ADCY2: variants seen among roughly 807,000 people sequenced by gnomAD.
ADCY2 encodes adenylate cyclase type 2.
ADCY2 carries 31 observed loss-of-function variants against 125.2 expected under a neutral mutation model. That is an observed-to-expected ratio of 0.25 (90% CI 0.19 to 0.33). ADCY2 has a LOEUF of 0.33. Among genes scored for constraint, ADCY2 ranks in the 10% least tolerant of loss-of-function variants. The pLI is 1.00. For missense variants in ADCY2, 904 were observed against 1,418.2 expected (o/e 0.64, Z 5.82); for synonymous variants, 512 against 548.4 (o/e 0.93, Z 0.93).
At chr5:7,687,136 C>A (rs906010588) in intron 4 of ADCY2, among the ~76,000 whole-genome samples, 3 of 152,238 alleles carry the variant, frequency 2.0e-5, no homozygotes, top group African/African-American at 7.2e-5. Flanking sequence ...AGAAAAAATT[C>A]TTGTTTTGTA....
Position 7,819,322 on chromosome 5 carries a change from G to A in ADCY2, c.2999-1243G>A, listed in dbSNP as rs148641632. On this transcript the variant is annotated intron_variant, in intron 23 of 24. Transcript: ENST00000338316. ...CATTTAGTATTAACTATCGCAATGG[G>A]AGAATGACCTCTTCTATTATCAAAC... Among the ~76,000 whole-genome samples, 22 of 152,266 alleles carry A rather than the reference G, an allele frequency of 1.4e-4. No homozygotes were observed. In the East Asian group the frequency reaches 4.2e-3, roughly 29 times the overall value.
intron 15 of ADCY2, among the ~76,000 whole-genome samples, chr5:7,748,531 C>CACACACACACAG (rs1357421206): frequency 1.0e-4 from 7 of 67,398 alleles, no homozygotes; most frequent in African/African-American, 2.2e-4. Context: ...CACACACACA[C>CACACACACACAG]ACACACACAC....
intron 4 of ADCY2, among the ~76,000 whole-genome samples, chr5:7,627,717 C>T (rs904411949): frequency 2.0e-5 from 3 of 152,144 alleles, no homozygotes; most frequent in African/African-American, 7.2e-5. Context: ...TGGCACTAGT[C>T]CTTTGTCTAT....
intron 3 of ADCY2, 27 bp from the exon 4 acceptor site, chr5:7,626,140 A>C: frequency 6.2e-7 from 1 of 1,604,376 alleles, no homozygotes; most frequent in East Asian, 2.2e-5. Context: ...CAGTTACCCT[A>C]TTGAGCAGCT....
At chr5:7,671,523 G>A (rs1203273449) in intron 4 of ADCY2, among the ~76,000 whole-genome samples, 1 of 152,152 alleles carries the variant, frequency 6.6e-6, no homozygotes, top group African/African-American at 2.4e-5. Flanking sequence ...CTCCATCAAA[G>A]AGCTGCCTTG....
chr5:7,550,926 T>C (rs1433681767), intron 3 of ADCY2, among the ~76,000 whole-genome samples: 1 of 152,138 alleles, frequency 6.6e-6, no homozygotes, highest in African/African-American at 2.4e-5. Context: ...ACAATTTCTA[T>C]TCATCATTTT....
At chr5:7,481,926 A>G (rs1742746990) in intron 2 of ADCY2, among the ~76,000 whole-genome samples, 1 of 152,008 alleles carries the variant, frequency 6.6e-6, no homozygotes, top group Non-Finnish European at 1.5e-5. Flanking sequence ...TTTCTTTAGT[A>G]GTTTTATAGT....
At chr5:7,481,141 A>G (rs1175049310) in intron 2 of ADCY2, among the ~76,000 whole-genome samples, 1 of 152,182 alleles carries the variant, frequency 6.6e-6, no homozygotes, top group African/African-American at 2.4e-5. Flanking sequence ...CCTTGCCAGC[A>G]TCTGTTATTT....
intron 16 of ADCY2, among the ~76,000 whole-genome samples, chr5:7,763,370 C>T (rs1006256184): frequency 3.3e-5 from 5 of 152,132 alleles, no homozygotes; most frequent in African/African-American, 1.2e-4. Context: ...GGATGACAGG[C>T]GTGAGCCACC....
At chr5:7,566,927 T>A (rs1735911608) in intron 3 of ADCY2, among the ~76,000 whole-genome samples, 1 of 152,184 alleles carries the variant, frequency 6.6e-6, no homozygotes, top group South Asian at 2.1e-4. Context: ...TTATTTCAAG[T>A]CTGTCTTGAC....
chr5:7,825,145 T>C (rs66820699), intron 24 of ADCY2, among the ~76,000 whole-genome samples: 89,777 of 147,228 alleles, frequency 0.61, 27,535 homozygotes, highest in Admixed American at 0.66. Flanking sequence ...TGTCCCATAA[T>C]AACGCTGCTG....
chr5:7,616,757 C>T (rs748264844), intron 3 of ADCY2, among the ~76,000 whole-genome samples: 2 of 152,096 alleles, frequency 1.3e-5, no homozygotes, highest in Admixed American at 6.6e-5. Flanking sequence ...ATTGTGTTCC[C>T]TCAAAATTCC....
chr5:7,732,384 T>C (rs1367379080), intron 14 of ADCY2, among the ~76,000 whole-genome samples: 1 of 152,224 alleles, frequency 6.6e-6, no homozygotes, highest in East Asian at 1.9e-4. Context: ...TCAGTTCTAA[T>C]TTCGTGTTAG....
chr5:7,486,583 A>G (rs1742940245), intron 2 of ADCY2, among the ~76,000 whole-genome samples: 1 of 152,136 alleles, frequency 6.6e-6, no homozygotes, highest in Non-Finnish European at 1.5e-5. Flanking sequence ...GCTGATCATC[A>G]CTGTGGAAAC....
intron 22 of ADCY2, among the ~76,000 whole-genome samples, chr5:7,813,853 A>G (rs959418173): frequency 1.3e-5 from 2 of 152,234 alleles, no homozygotes; most frequent in African/African-American, 4.8e-5. Context: ...GTAAAAAGCA[A>G]AATCATTTCT....
chr5:7,632,848 A>G (rs1738363346), intron 4 of ADCY2, among the ~76,000 whole-genome samples: 1 of 152,224 alleles, frequency 6.6e-6, no homozygotes, highest in African/African-American at 2.4e-5. Context: ...AAAATTGTCA[A>G]TAATCCTTAA....
chr5:7,523,232 C>T (rs1265992760), intron 3 of ADCY2, among the ~76,000 whole-genome samples: 10 of 150,444 alleles, frequency 6.6e-5, no homozygotes, highest in Non-Finnish European at 1.5e-4. Context: ...GCATGAAGAA[C>T]TTTATGTATT....
intron 16 of ADCY2, 125 bp downstream of exon 16, chr5:7,757,711 C>T (rs1743059122): frequency 1.5e-6 from 2 of 1,356,608 alleles, no homozygotes; most frequent in East Asian, 2.5e-5. Context: ...CTGTGTTCAA[C>T]ATGCTCAGCC....
intron 2 of ADCY2, among the ~76,000 whole-genome samples, chr5:7,482,789 T>TATATATATATATAC (rs1241879068): frequency 2.5e-4 from 36 of 143,232 alleles, no homozygotes; most frequent in Middle Eastern, 3.2e-3. Context: ...TATATATATA[T>TATATATATATATAC]ATACACACAC....
Sources: gnomAD v4.1 joint callset for allele counts (sites outside exome capture counted in the v4.1 genomes callset) on GRCh38, gnomAD v4.1.1 for gene constraint, MANE v1.5 for transcripts, NCBI Gene and HGNC (gene_info 2026-07-23, HGNC 2026-07-21) for gene names.